The following TSC22D1 variants were observed in gnomAD, a reference collection of about 807,000 sequenced individuals.
TSC22D1 encodes TSC22 domain family member 1.
Under a neutral mutation model 74.2 loss-of-function variants are expected in TSC22D1, and 9 were observed. The ratio of observed to expected loss-of-function variants is 0.12; its 90% CI spans 0.07 to 0.21. The LOEUF is 0.21. TSC22D1 is among the 10% of genes least tolerant of loss of function. The pLI is 1.00. For missense variants in TSC22D1, 1,427 were observed against 1,304.7 expected, an observed-to-expected ratio of 1.09 and a Z score of -1.44; for synonymous variants, 586 against 492.5, an observed-to-expected ratio of 1.19 and a Z score of -2.51.
chr13:44,552,745 T>C (rs994156828), intron 1 of TSC22D1, among the ~76,000 whole-genome samples: 1 of 152,144 alleles, frequency 6.6e-6, no homozygotes, highest in African/African-American at 2.4e-5. Context: ...TCCCAGCACT[T>C]TGGGAGGCCG....
chr13:44,440,145 CAAAT>C (rs959687016), intron 1 of TSC22D1, among the ~76,000 whole-genome samples: 1 of 152,160 alleles, frequency 6.6e-6, no homozygotes. Context: ...AGAAAAACAA[CAAAT>C]AGTGTTTTAG....
intron 1 of TSC22D1, among the ~76,000 whole-genome samples, chr13:44,477,735 T>C (rs1179577409): frequency 6.7e-6 from 1 of 149,750 alleles, no homozygotes; most frequent in African/African-American, 2.4e-5. Context: ...CTCCGCCTCC[T>C]GGGCTCAAGT....
chr13:44,543,152 G>A (rs2138106227), intron 1 of TSC22D1, among the ~76,000 whole-genome samples: 1 of 152,090 alleles, frequency 6.6e-6, no homozygotes, highest in African/African-American at 2.4e-5. Context: ...CAAATCAGAA[G>A]CAGTATTTTA....
At chr13:44,573,069 C>A (rs749846693) in intron 1 of TSC22D1, 94 bp downstream of exon 1, 43 of 1,467,058 alleles carry the variant, frequency 2.9e-5, no homozygotes, top group Admixed American at 5.2e-5. Context: ...ACACAATATA[C>A]AATGTTTTAG....
intron 1 of TSC22D1, chr13:44,537,290 A>G (rs1319792392): frequency 1.0e-6 from 1 of 974,258 alleles, no homozygotes; most frequent in Non-Finnish European, 1.2e-6. Context: ...AAGTTTAAAT[A>G]AACAAATCAG....
intron 1 of TSC22D1, among the ~76,000 whole-genome samples, chr13:44,531,446 G>C (rs1880833093): frequency 6.6e-6 from 1 of 152,180 alleles, no homozygotes; most frequent in Non-Finnish European, 1.5e-5. Flanking sequence ...GCCAGGTCTT[G>C]TAAACTCTGA....
At chr13:44,555,468 T>C (rs1404000307) in intron 1 of TSC22D1, among the ~76,000 whole-genome samples, 1 of 152,052 alleles carries the variant, frequency 6.6e-6, no homozygotes, top group African/African-American at 2.4e-5. Flanking sequence ...AAGCTGGGTG[T>C]CGTGGCGCGA....
At chr13:44,490,475 A>G (rs1878647851) in intron 1 of TSC22D1, among the ~76,000 whole-genome samples, 1 of 152,028 alleles carries the variant, frequency 6.6e-6, no homozygotes, top group South Asian at 2.1e-4. Flanking sequence ...ATTTTTAAAA[A>G]TAATTCTGAA....
chr13:44,509,970 A>AAACAAAAAAAAAAAAAAAAAAAG (rs1879629799), intron 1 of TSC22D1, among the ~76,000 whole-genome samples: 1 of 148,420 alleles, frequency 6.7e-6, no homozygotes, highest in Non-Finnish European at 1.5e-5. Context: ...AAAAAAAAAA[A>AAACAAAAAAAAAAAAAAAAAAAG]AGCTAAAAAA....
chr13:44,561,211 A>G (rs1053573634), intron 1 of TSC22D1, among the ~76,000 whole-genome samples: 7 of 152,142 alleles, frequency 4.6e-5, no homozygotes, highest in African/African-American at 1.7e-4. Flanking sequence ...ACTTTTCCTA[A>G]TTAGGCCAAA....
At chr13:44,527,381 T>C (rs1333826446) in intron 1 of TSC22D1, among the ~76,000 whole-genome samples, 1 of 152,154 alleles carries the variant, frequency 6.6e-6, no homozygotes, top group African/African-American at 2.4e-5. Context: ...ACAGCAGTGT[T>C]ATAAAAAATG....
intron 1 of TSC22D1, among the ~76,000 whole-genome samples, chr13:44,448,891 C>CTG (rs1875895712): frequency 2.2e-5 from 1 of 46,004 alleles, no homozygotes; most frequent in Non-Finnish European, 4.7e-5. Flanking sequence ...AATTCTAGAT[C>CTG]CGTGTGTGTG....
intron 1 of TSC22D1, among the ~76,000 whole-genome samples, chr13:44,478,286 T>A (rs1028250970): frequency 6.6e-6 from 1 of 152,172 alleles, no homozygotes; most frequent in Non-Finnish European, 1.5e-5. Context: ...AAAATACATG[T>A]AGAATAATAT....
At chr13:44,522,561 A>G (rs1216195588) in intron 1 of TSC22D1, among the ~76,000 whole-genome samples, 1 of 152,200 alleles carries the variant, frequency 6.6e-6, no homozygotes, top group Admixed American at 6.5e-5. Flanking sequence ...GGTAAATCTG[A>G]TCTTTGGCAA....
At chr13:44,559,290 C>T (rs1451048772) in intron 1 of TSC22D1, among the ~76,000 whole-genome samples, 5 of 152,298 alleles carry the variant, frequency 3.3e-5, no homozygotes, top group Admixed American at 6.5e-5. Context: ...ACACATCTCA[C>T]ACCACACCTT....
At position 44,573,908 on chromosome 13, in the gene TSC22D1, C is replaced by T. The variant is rs1370814897; in HGVS notation, c.2167G>A (p.Val723Ile). The T allele has an allele frequency of 1.9e-6, 3 of 1,614,058 alleles. No homozygotes were observed. The highest frequency in any genetic ancestry group is 2.5e-6 in the Non-Finnish European group (3 of 1,180,050). The stretch of plus-strand genomic sequence containing the variant: ...TTTGCAATCTGACTGCCAGTAGGTA[C>T]AGCAGACACTGCTGCCGGAGCCTGG... ...VGQAPAAVSA[V>I]PTGSQIANIG... Residue 723 changes from valine to isoleucine, a missense_variant, in exon 1 of 3, where the codon GTA (valine) becomes ATA (isoleucine). Val to Ile is a conservative substitution (Grantham distance 29). Around this residue, in one of 3 missense-constraint regions of TSC22D1, gnomAD observed 1,343 missense variants for 1,191.5 expected, o/e 1.13. Coordinates refer to ENST00000458659, the MANE Select transcript of TSC22D1 (RefSeq NM_183422.4).
chr13:44,436,837 C>T (rs1195885009), intron 1 of TSC22D1: 2 of 1,332,378 alleles, frequency 1.5e-6, no homozygotes, highest in East Asian at 2.8e-5. Flanking sequence ...GATCCGCAGC[C>T]GGGCTCCACT....
intron 1 of TSC22D1, among the ~76,000 whole-genome samples, chr13:44,472,273 T>C (rs1259920245): frequency 2.6e-5 from 4 of 152,190 alleles, no homozygotes; most frequent in Non-Finnish European, 5.9e-5. Flanking sequence ...AATGCAAAGA[T>C]AAACTGTGGC....
chr13:44,573,794 A>G lies in TSC22D1; in HGVS notation c.2281T>C (p.Ser761Pro), dbSNP rs1267859139. Residue 761 changes from serine to proline, a missense_variant, in exon 1 of 3, where the codon TCT (serine) becomes CCT (proline). Ser to Pro is a moderately conservative substitution (Grantham distance 74, BLOSUM62 -1). Around this residue, in one of 3 missense-constraint regions of TSC22D1, gnomAD observed 1,343 missense variants for 1,191.5 expected, o/e 1.13. Coordinates refer to ENST00000458659, the MANE Select transcript of TSC22D1 (RefSeq NM_183422.4). ...TGAGCAGGTGGAACCACTTGCGAAG[A>G]TGGAGGAGCACCCTGCTGAATAACT... ...PSVIQQGAPP[S>P]SQVVPPAQTG... 1 of 1,614,236 alleles carries G rather than the reference A, an allele frequency of 6.2e-7. No individual in the cohort carries two copies.
Sources: allele counts gnomAD v4.1 joint callset (sites outside exome capture counted in the v4.1 genomes callset), GRCh38; gene constraint gnomAD v4.1.1; regional missense constraint gnomAD v4.1.1; transcripts MANE v1.5; gene names NCBI Gene and HGNC (gene_info 2026-07-23, HGNC 2026-07-21).